ZNF143: variants seen among roughly 807,000 people sequenced by gnomAD.
ZNF143 encodes the protein SPH-binding factor.
Under a neutral mutation model 74.1 loss-of-function variants are expected in ZNF143, and 49 were observed. The ratio of observed to expected loss-of-function variants is 0.66; its 90% CI spans 0.53 to 0.84. The LOEUF (loss-of-function observed/expected upper bound fraction) is 0.84. ZNF143 is among the 40% of genes least tolerant of loss of function. ZNF143 has a pLI of 0.00. For synonymous variants in ZNF143, 304 were observed against 282.8 expected, an observed-to-expected ratio of 1.07 and a Z score of -0.75; for missense variants, 637 against 793.4, an observed-to-expected ratio of 0.80 and a Z score of 2.37.
chr11:9,503,876 TTC>T (rs1209667368), intron 11 of ZNF143, among the ~76,000 whole-genome samples: 3 of 151,316 alleles, frequency 2.0e-5, no homozygotes, highest in Non-Finnish European at 4.4e-5. Flanking sequence ...GGTCTCAAAC[TTC>T]TGACCTCAGG....
chr11:9,497,375 A>G (rs755701248), intron 9 of ZNF143, among the ~76,000 whole-genome samples: 6 of 152,060 alleles, frequency 3.9e-5, no homozygotes, highest in Non-Finnish European at 8.8e-5. Flanking sequence ...GACTACAGGC[A>G]TGCATCACCA....
chr11:9,510,376 G>A (rs541501501), intron 12 of ZNF143, among the ~76,000 whole-genome samples: 5 of 151,980 alleles, frequency 3.3e-5, no homozygotes, highest in East Asian at 1.9e-4. Flanking sequence ...CGCCCACCTC[G>A]GCCTCCCAAA....
intron 13 of ZNF143, among the ~76,000 whole-genome samples, chr11:9,515,556 AGGCAGGACAGT>A (rs1162271971): frequency 6.6e-6 from 1 of 151,514 alleles, no homozygotes; most frequent in East Asian, 1.9e-4. Flanking sequence ...TGGGAGGCTG[AGGCAGGACAGT>A]GGCATGAACC....
At chr11:9,474,099 C>T in intron 4 of ZNF143, 75 bp downstream of exon 4, 4 of 1,165,808 alleles carry the variant, frequency 3.4e-6, no homozygotes, top group Admixed American at 3.4e-5. Context: ...GCAGCTCCCT[C>T]TTACTACCTA....
chr11:9,465,153 AT>A (rs1856118854), intron 1 of ZNF143, among the ~76,000 whole-genome samples: 1 of 152,150 alleles, frequency 6.6e-6, no homozygotes, highest in African/African-American at 2.4e-5. Flanking sequence ...AAAATGTTTG[AT>A]TTGTTAAGCT....
intron 11 of ZNF143, among the ~76,000 whole-genome samples, chr11:9,503,121 G>A (rs959563602): frequency 2.0e-5 from 3 of 152,062 alleles, no homozygotes; most frequent in African/African-American, 7.2e-5. Flanking sequence ...ATGAGCCACC[G>A]CTCCTAGCCT....
At chr11:9,464,875 A>G (rs950841145) in intron 1 of ZNF143, among the ~76,000 whole-genome samples, 3 of 152,078 alleles carry the variant, frequency 2.0e-5, no homozygotes, top group Non-Finnish European at 4.4e-5. Flanking sequence ...GTGAGACGAG[A>G]TCGCGTCACT....
chr11:9,506,256 C>T (rs1848360464), intron 11 of ZNF143, among the ~76,000 whole-genome samples: 2 of 152,108 alleles, frequency 1.3e-5, no homozygotes, highest in South Asian at 4.1e-4. Flanking sequence ...CACTTGAATC[C>T]AGGAGGTGGA....
chr11:9,486,373 T>C (rs56323257), intron 7 of ZNF143, among the ~76,000 whole-genome samples: 4 of 37,362 alleles, frequency 1.1e-4, no homozygotes, highest in Non-Finnish European at 2.0e-4. Context: ...TTATATATAA[T>C]ATATTATATA....
intron 12 of ZNF143, among the ~76,000 whole-genome samples, chr11:9,511,327 T>C (rs886766012): frequency 3.3e-5 from 5 of 149,828 alleles, no homozygotes; most frequent in African/African-American, 1.2e-4. Context: ...GACAGAGTCT[T>C]GCTCTGTCGC....
intron 10 of ZNF143, among the ~76,000 whole-genome samples, chr11:9,499,140 A>G (rs1848068663): frequency 1.3e-5 from 2 of 152,244 alleles, no homozygotes. Flanking sequence ...GTCAAACCAC[A>G]TGTTCATATA....
In ZNF143 at chr11:9,504,810, G is replaced by A. The variant is rs1193413967; in HGVS notation, c.1147+3540G>A. Among the ~76,000 whole-genome samples the A allele has an allele frequency of 1.1e-4, 13 of 117,336 alleles. 2 individuals carry two copies. The highest frequency in any genetic ancestry group is 9.4e-4 in the Admixed American group (10 of 10,692). The allele number at this position is 117,336 out of a possible 152,430, so 77.0% of individuals were successfully genotyped here. A position where few individuals can be genotyped will look rare whatever the true frequency, so the allele number is the denominator to read the frequency against. On this transcript the variant is annotated intron_variant, in intron 11 of 15. Coordinates refer to ENST00000396602, the MANE Select transcript of ZNF143 (RefSeq NM_003442.6). ...CTGCCTCAGCCTCCTGAGTAGCTGG[G>A]ACTACAGGCACCTGCCACCACGCCC...
intron 9 of ZNF143, 123 bp downstream of exon 9, chr11:9,496,501 G>T (rs570573458): frequency 1.5e-5 from 12 of 783,820 alleles, no homozygotes; most frequent in Middle Eastern, 2.4e-4. Flanking sequence ...CAGTTTTTCA[G>T]TCTCTCTCAT....
chr11:9,494,790 CT>C, intron 8 of ZNF143, 25 bp downstream of exon 8: 1 of 1,589,886 alleles, frequency 6.3e-7, no homozygotes, highest in Non-Finnish European at 8.6e-7. Flanking sequence ...AATGTTCTAT[CT>C]AGTTATGAGA....
At chr11:9,503,153 A>G (rs7103339) in intron 11 of ZNF143, among the ~76,000 whole-genome samples, 1 of 152,090 alleles carries the variant, frequency 6.6e-6, no homozygotes, top group Non-Finnish European at 1.5e-5. Flanking sequence ...TTGAAGTTCA[A>G]CCATGTTGTA....
chr11:9,479,634 C>A, intron 7 of ZNF143, 88 bp downstream of exon 7: 1 of 1,045,320 alleles, frequency 9.6e-7, no homozygotes. Context: ...TAACTCACTA[C>A]CTCTCTAGGA....
chr11:9,486,420 T>TTATATATAA (rs1847529061), intron 7 of ZNF143, among the ~76,000 whole-genome samples: 3 of 31,020 alleles, frequency 9.7e-5, no homozygotes, highest in South Asian at 1.4e-3. Context: ...ATAATATATA[T>TTATATATAA]TATATATATT....
chr11:9,475,664 G>A lies in ZNF143; in HGVS notation c.373+1031G>A, dbSNP rs1462720005. On this transcript the variant is annotated intron_variant, in intron 5 of 15. Transcript: ENST00000396602. ...CTAGCACTTTGGGAGGCCGATGCAG[G>A]CGGATCACCTGAGGTCAGGGGTTTG... is the stretch of plus-strand genomic sequence containing the variant. Among the ~76,000 whole-genome samples, 3 of 152,172 alleles carry A rather than the reference G, an allele frequency of 2.0e-5. No individual in the cohort carries two copies. The East Asian group carries it at 5.8e-4, about 29-fold the overall frequency.
intron 1 of ZNF143, chr11:9,463,631 A>G (rs1856005877): frequency 6.6e-6 from 1 of 152,116 alleles, no homozygotes; most frequent in South Asian, 2.1e-4. Flanking sequence ...TATTCGTCTT[A>G]TTATGATTTG....
Sources: gnomAD v4.1 joint callset for allele counts (sites outside exome capture counted in the v4.1 genomes callset) on GRCh38, gnomAD v4.1.1 for gene constraint, MANE v1.5 for transcripts, NCBI Gene and HGNC (gene_info 2026-07-23, HGNC 2026-07-21) for gene names.